CHRDL2: variants seen among roughly 807,000 people sequenced by gnomAD.
CHRDL2 encodes the protein chordin-like protein 2.
CHRDL2 carries 41 observed loss-of-function variants against 54.3 expected under a neutral mutation model. The observed-to-expected ratio is 0.76, with a 90% CI of 0.59 to 0.98. CHRDL2 has a LOEUF of 0.98. CHRDL2 is among the 50% of genes least tolerant of loss of function. The pLI, the probability that CHRDL2 is intolerant of heterozygous loss-of-function variation, is 0.00. For synonymous variants in CHRDL2, 220 were observed against 224.3 expected (o/e 0.98, Z 0.17); for missense variants, 518 against 562.4 (o/e 0.92, Z 0.80).
chr11:74,730,380 G>C (rs1213591543), intron 1 of CHRDL2, among the ~76,000 whole-genome samples: 1 of 152,174 alleles, frequency 6.6e-6, no homozygotes, highest in Admixed American at 6.5e-5. Context: ...AGAGTTGCGA[G>C]GATCAAAAGA....
chr11:74,714,950 T>A (rs2034303048), intron 2 of CHRDL2, among the ~76,000 whole-genome samples: 2 of 152,194 alleles, frequency 1.3e-5, no homozygotes, highest in African/African-American at 4.8e-5. Context: ...ATAGCCTCCA[T>A]TTATTGAGTG....
chr11:74,726,889 C>T (rs547558935), intron 1 of CHRDL2, among the ~76,000 whole-genome samples: 4 of 152,294 alleles, frequency 2.6e-5, no homozygotes, highest in African/African-American at 9.6e-5. Flanking sequence ...GATGGGGATG[C>T]GACTAAGCTG....
Position 74,697,193 on chromosome 11 carries a change from C to T in CHRDL2, c.1213+12G>A. On this transcript the variant is annotated intron_variant, in intron 10 of 10. Transcript: ENST00000376332. ...TCCTGCCCCGGCCCCATTCCTCAGCCCAAGCTCCTACCTTCGTGGGGGCCA... is the reference window on the plus strand; with the variant it reads ...TCCTGCCCCGGCCCCATTCCTCAGCTCAAGCTCCTACCTTCGTGGGGGCCA... The T allele has an allele frequency of 6.2e-7, 1 of 1,610,230 alleles. No homozygotes were observed. Among genetic ancestry groups the T allele is most frequent in the Non-Finnish European group, 8.5e-7 (1 of 1,177,236 alleles).
chr11:74,714,305 G>C (rs2034282988), intron 2 of CHRDL2, among the ~76,000 whole-genome samples: 1 of 152,204 alleles, frequency 6.6e-6, no homozygotes, highest in Non-Finnish European at 1.5e-5. Context: ...GTGGCTGCTG[G>C]AGTCTGAATG....
Position 74,703,399 on chromosome 11 carries a change from A to G in CHRDL2, c.852T>C (p.Asp284=). The G allele has an allele frequency of 6.2e-7, 1 of 1,613,662 alleles. No homozygotes were observed. Among genetic ancestry groups the G allele is most frequent in the Middle Eastern group, 1.7e-4 (1 of 5,994 alleles). ...TCACACGCTGGCAGTCCTGGCGGCC[A>G]TCCTCACAGGTGCATAGGATGCAGG... The part of the protein sequence containing the change: ...PLPCILCTCE[D]GRQDCQRVTC... The change falls in exon 8 of 11, where the codon GAT becomes GAC. Residue 284 remains aspartate (D), a synonymous_variant. Coordinates refer to ENST00000376332, the MANE Select transcript of CHRDL2 (RefSeq NM_001278473.3).
chr11:74,715,480 G>A (rs1261493442), intron 2 of CHRDL2, among the ~76,000 whole-genome samples: 1 of 151,830 alleles, frequency 6.6e-6, no homozygotes, highest in African/African-American at 2.4e-5. Flanking sequence ...TGGTGTGCCT[G>A]TAATCCCAGC....
intron 5 of CHRDL2, 76 bp downstream of exon 5, chr11:74,708,226 C>T (rs1264127844): frequency 1.0e-5 from 11 of 1,051,154 alleles, no homozygotes; most frequent in Admixed American, 3.6e-5. Context: ...CAGTTCCTCA[C>T]GGCTCTCACA....
intron 1 of CHRDL2, among the ~76,000 whole-genome samples, chr11:74,726,608 C>CCT (rs1250588507): frequency 6.6e-6 from 1 of 152,160 alleles, no homozygotes; most frequent in Non-Finnish European, 1.5e-5. Context: ...ATTCAAGGTC[C>CCT]CTCTCCCAGA....
chr11:74,727,121 C>T (rs1464304477), intron 1 of CHRDL2, among the ~76,000 whole-genome samples: 1 of 152,194 alleles, frequency 6.6e-6, no homozygotes, highest in Admixed American at 6.5e-5. Context: ...AGTGTTAAAA[C>T]TAGAATGGTC....
intron 9 of CHRDL2, chr11:74,700,820 A>T (rs534091982): frequency 1.3e-5 from 2 of 151,940 alleles, no homozygotes; most frequent in African/African-American, 4.8e-5. Flanking sequence ...TTTAGTAAAG[A>T]TGGGGTTTCA....
In CHRDL2 at chr11:74,706,453, G is replaced by A. The variant is rs1177634481; in HGVS notation, c.582+34C>T. The A allele has an allele frequency of 5.0e-6, 8 of 1,604,796 alleles. No homozygotes were observed. In the Admixed American group the frequency reaches 6.7e-5, roughly 13 times the overall value. On this transcript the variant is annotated intron_variant, in intron 6 of 10. Transcript: ENST00000376332. ...TTTAGGCCCTGGATCCCAGCCCCCT[G>A]TCCCGCACCCCGTCAATAAGGCCGT...
intron 9 of CHRDL2, among the ~76,000 whole-genome samples, chr11:74,700,643 A>T (rs1791490): frequency 0.12 from 15,848 of 135,748 alleles, 1,315 homozygotes; most frequent in African/African-American, 0.23. Context: ...TATTATTATT[A>T]TTTTTTTTTT....
chr11:74,706,866 G>A (rs1216533627), intron 5 of CHRDL2, among the ~76,000 whole-genome samples: 1 of 152,142 alleles, frequency 6.6e-6, no homozygotes, highest in African/African-American at 2.4e-5. Flanking sequence ...TCACCTCTCT[G>A]GGACACTGGG....
chr11:74,709,880 TCTC>T (rs372634799), intron 4 of CHRDL2, among the ~76,000 whole-genome samples: 293 of 152,198 alleles, frequency 1.9e-3, no homozygotes, highest in African/African-American at 6.5e-3. Flanking sequence ...GGCAGGGACT[TCTC>T]CTGCCAATTC....
At chr11:74,727,011 G>A (rs968008629) in intron 1 of CHRDL2, among the ~76,000 whole-genome samples, 1 of 152,176 alleles carries the variant, frequency 6.6e-6, no homozygotes, top group African/African-American at 2.4e-5. Flanking sequence ...CTCCCTGGCA[G>A]GGCAGGAGTA....
rs767595652 is a variant in CHRDL2 at position 74,708,374 on chromosome 11, G to T, written c.454C>A (p.Leu152Ile). 1.9e-6 allele frequency: 3 copies of T among 1,587,204 alleles called. No homozygotes were observed. The highest frequency in any genetic ancestry group is 2.6e-6 in the Non-Finnish European group (3 of 1,169,246). ...CAGCCTGGTTCGGGGCAGGTTGTGA[G>T]GCCGCAGTAGATCTGGCCCTCCTGA... ...SCTEGQIYCG[L>I]TTCPEPGCPA... Residue 152 changes from leucine to isoleucine, a missense_variant, in exon 5 of 11, where the codon CTC (leucine) becomes ATC (isoleucine). Transcript: ENST00000376332.
chr11:74,712,130 TA>T (rs1263365917), intron 3 of CHRDL2, among the ~76,000 whole-genome samples: 1 of 151,760 alleles, frequency 6.6e-6, no homozygotes, highest in Non-Finnish European at 1.5e-5. Flanking sequence ...TTTTAATTTT[TA>T]AAAAAGAAGT....
At chr11:74,708,515 G>A (rs2034087778) in intron 4 of CHRDL2, 120 bp from the exon 5 acceptor site, 2 of 703,994 alleles carry the variant, frequency 2.8e-6, no homozygotes. Flanking sequence ...GTGGGGAGGG[G>A]AAGCAACAGC....
Position 74,696,816 on chromosome 11 carries a change from G to A in CHRDL2, c.1214-231C>T, listed in dbSNP as rs1260467435. Among the ~76,000 whole-genome samples the A allele has an allele frequency of 2.0e-5, 3 of 152,150 alleles. 1 individual carries two copies. Among genetic ancestry groups the A allele is most frequent in the African/African-American group, 7.2e-5 (3 of 41,436 alleles). On this transcript the variant is annotated intron_variant, in intron 10 of 10. Transcript: ENST00000376332. ...AGAACTGGTTTCCTGACACCTGTTG[G>A]TAATACTCCCCTCTGTGACCTCCCC... is the stretch of plus-strand genomic sequence containing the variant.
Sources: gnomAD v4.1 joint callset for allele counts (sites outside exome capture counted in the v4.1 genomes callset) on GRCh38, gnomAD v4.1.1 for gene constraint, MANE v1.5 for transcripts, NCBI Gene and HGNC (gene_info 2026-07-23, HGNC 2026-07-21) for gene names.